TNFSF9: variants seen among roughly 807,000 people sequenced by gnomAD.
The protein encoded by TNFSF9 is TNF superfamily member 9, also known as tumor necrosis factor ligand superfamily member 9.
A neutral mutation model predicts 10.3 loss-of-function variants in TNFSF9; 10 were observed. The ratio of observed to expected loss-of-function variants is 0.97; its 90% CI spans 0.60 to 1.65. The LOEUF (loss-of-function observed/expected upper bound fraction) is 1.65, where lower values mean the gene tolerates loss of function less well. Among genes scored for constraint, TNFSF9 ranks in the 40% most tolerant of loss-of-function variants. The pLI is 0.00. For missense variants in TNFSF9, 361 were observed against 348.9 expected (o/e 1.03, Z -0.28); for synonymous variants, 195 against 176.1 (o/e 1.11, Z -0.85).
Position 6,532,534 on chromosome 19 carries a change from T to C in TNFSF9, c.268-252T>C, listed in dbSNP as rs1915171682. 2.0e-5 allele frequency among the ~76,000 whole-genome samples: 3 copies of C among 151,578 alleles called. No individual in the cohort carries two copies. The South Asian group carries it at 6.2e-4, about 32-fold the overall frequency. On this transcript the variant is annotated intron_variant, in intron 1 of 2. Coordinates refer to ENST00000245817, the MANE Select transcript of TNFSF9 (RefSeq NM_003811.4). ...GTGTTTGTGTTTGCGTTCGTGTGTG[T>C]GTTCGTGTTTGTTCGTGTGTCTGTG...
chr19:6,532,656 G>A lies in TNFSF9; in HGVS notation c.268-130G>A, dbSNP rs549991254. 1.4e-4 allele frequency: 173 copies of A among 1,218,022 alleles called. No homozygotes were observed. The African/African-American group carries it at 2.2e-3, about 16-fold the overall frequency. 75.5% of individuals were successfully genotyped at this position (1,218,022 alleles called of 1,614,324 possible). A position where few individuals can be genotyped will look rare whatever the true frequency, so the allele number is the denominator to read the frequency against. ...GTGTGCGGTCTCTGTTCTTTAGTTG[G>A]GAGGGAAGGGAAGCGTAGGCTTCAG... On this transcript the variant is annotated intron_variant, in intron 1 of 2. Transcript: ENST00000245817.
Position 6,535,458 on chromosome 19 carries a change from C to G in TNFSF9, c.*392C>G, listed in dbSNP as rs1442058555. On this transcript the variant is annotated 3_prime_UTR_variant, in exon 3 of 3. Transcript: ENST00000245817. ...GCCTCCCAAGCAACTGGGATTCATC[C>G]TTTCTATTAATTCATTGTACTTATT... 1 of 151,430 alleles carries G rather than the reference C, an allele frequency of 6.6e-6. No homozygotes were observed. The highest frequency in any genetic ancestry group is 1.5e-5 in the Non-Finnish European group (1 of 67,950). 9.4% of individuals were successfully genotyped at this position (151,430 alleles called of 1,614,324 possible).
Position 6,535,005 on chromosome 19 carries a change from T to G in TNFSF9, c.704T>G (p.Leu235Trp), listed in dbSNP as rs765845740. Residue 235 changes from leucine to tryptophan, a missense_variant, in exon 3 of 3, where the codon TTG becomes TGG. Physicochemically the swap from Leu to Trp is moderately conservative, Grantham distance 61. Transcript: ENST00000245817. ...CAGCTTACCCAGGGCGCCACAGTCT[T>G]GGGACTCTTCCGGGTGACCCCCGAA... Reference protein sequence around the residue: ...AWQLTQGATVLGLFRVTPEIP... With the variant: ...AWQLTQGATVWGLFRVTPEIP... 6.2e-7 allele frequency: 1 copy of G among 1,603,922 alleles called. No homozygotes were observed. The highest frequency in any genetic ancestry group is 1.7e-5 in the Admixed American group (1 of 58,980).
intron 2 of TNFSF9, among the ~76,000 whole-genome samples, chr19:6,533,300 C>T (rs1915188210): frequency 7.1e-6 from 1 of 139,944 alleles, no homozygotes; most frequent in African/African-American, 2.7e-5. Context: ...GACCCTCCTC[C>T]CTGCCCCTTC....
Position 6,531,066 on chromosome 19 carries a change from C to A in TNFSF9, c.30C>A (p.Asp10Glu). Residue 10 changes from aspartate to glutamate, a missense_variant, in exon 1 of 3, where the codon GAC becomes GAA. Transcript: ENST00000245817. Reference protein sequence around the residue: MEYASDASLDPEAPWPPAPR... With the variant: MEYASDASLEPEAPWPPAPR... ...AATACGCCTCTGACGCTTCACTGGACCCCGAAGCCCCGTGGCCTCCCGCGC... is the reference window on the plus strand; with the variant it reads ...AATACGCCTCTGACGCTTCACTGGAACCCGAAGCCCCGTGGCCTCCCGCGC... The A allele has an allele frequency of 6.2e-7, 1 of 1,611,220 alleles. No homozygotes were observed. Among genetic ancestry groups the A allele is most frequent in the South Asian group, 1.1e-5 (1 of 91,040 alleles).
At chr19:6,533,182 C>G (rs989873678) in intron 2 of TNFSF9, among the ~76,000 whole-genome samples, 1 of 150,380 alleles carries the variant, frequency 6.6e-6, no homozygotes, top group African/African-American at 2.5e-5. Context: ...CCCTTCCCCA[C>G]TCTCCCAGCC....
In TNFSF9 at chr19:6,535,365, G is replaced by A. The variant is rs919389183; in HGVS notation, c.*299G>A. On this transcript the variant is annotated 3_prime_UTR_variant, in exon 3 of 3. Coordinates refer to ENST00000245817, the MANE Select transcript of TNFSF9 (RefSeq NM_003811.4). ...CTTTTTTAGAGGAGTTGTTTTGGGG[G>A]GGGGGGGGTCTTCGACATTGCCGAG... 1 of 136,690 alleles carries A rather than the reference G, an allele frequency of 7.3e-6. No homozygotes were observed. Among genetic ancestry groups the A allele is most frequent in the African/African-American group, 2.7e-5 (1 of 36,448 alleles). 8.5% of individuals were successfully genotyped at this position (136,690 alleles called of 1,614,324 possible). A position where few individuals can be genotyped will look rare whatever the true frequency, so the allele number is the denominator to read the frequency against.
In TNFSF9 at chr19:6,531,289, T is replaced by C. The variant is rs774041396; in HGVS notation, c.253T>C (p.Leu85=). 13 of 1,500,440 alleles carry C rather than the reference T, an allele frequency of 8.7e-6. No homozygotes were observed. The highest frequency in any genetic ancestry group is 1.1e-5 in the Non-Finnish European group (13 of 1,132,756). The allele number at this position is 1,500,440 out of a possible 1,614,324, so 92.9% of individuals were successfully genotyped here. Reference sequence around the variant, plus strand: ...TTCGCCCGACGATCCCGCCGGCCTCTTGGACCTGCGGCAGGTGAGACGTGC... The same window carrying C: ...TTCGCCCGACGATCCCGCCGGCCTCCTGGACCTGCGGCAGGTGAGACGTGC... ...ELSPDDPAGL[L]DLRQGMFAQL... Residue 85 remains leucine (L), a synonymous_variant, in exon 1 of 3, where the codon TTG becomes CTG. Coordinates refer to ENST00000245817, the MANE Select transcript of TNFSF9 (RefSeq NM_003811.4).
rs61760044 is a variant in TNFSF9, at chr19:6,534,792, C to T, written c.491C>T (p.Ala164Val). The change falls in exon 3 of 3, where the codon GCG becomes GTG. Residue 164 changes from alanine (A) to valine (V), a missense_variant. Coordinates refer to ENST00000245817, the MANE Select transcript of TNFSF9 (RefSeq NM_003811.4). ...AGEGSGSVSL[A>V]LHLQPLRSAA... Reference sequence around the variant, plus strand: ...GAGGGCTCAGGCTCCGTTTCACTTGCGCTGCACCTGCAGCCACTGCGCTCT... The same window carrying T: ...GAGGGCTCAGGCTCCGTTTCACTTGTGCTGCACCTGCAGCCACTGCGCTCT... The T allele has an allele frequency of 2.1e-5, 34 of 1,599,796 alleles. No individual in the cohort carries two copies. The East Asian group carries it at 3.8e-4, about 18-fold the overall frequency.
chr19:6,531,206 G>C lies in TNFSF9; in HGVS notation c.170G>C (p.Gly57Ala), dbSNP rs1370796364. Reference protein sequence around the residue: ...VFLACPWAVSGARASPGSAAS... With the variant: ...VFLACPWAVSAARASPGSAAS... The stretch of plus-strand genomic sequence containing the variant: ...CTCGCCTGCCCCTGGGCCGTGTCCG[G>C]GGCTCGCGCCTCGCCCGGCTCCGCG... Residue 57 changes from glycine to alanine, a missense_variant, in exon 1 of 3, where the codon GGG becomes GCG. Gly to Ala is a moderately conservative substitution (Grantham distance 60). Transcript: ENST00000245817. 1 of 1,546,148 alleles carries C rather than the reference G, an allele frequency of 6.5e-7. No homozygotes were observed. Among genetic ancestry groups the C allele is most frequent in the Non-Finnish European group, 8.7e-7 (1 of 1,149,598 alleles).
rs890612746 is a variant in TNFSF9, at chr19:6,535,367, G to C, written c.*301G>C. 6.9e-6 allele frequency: 1 copy of C among 144,698 alleles called. No individual in the cohort carries two copies. Among genetic ancestry groups the C allele is most frequent in the African/African-American group, 2.5e-5 (1 of 39,904 alleles). The allele number at this position is 144,698 out of a possible 1,614,324, so 9.0% of individuals were successfully genotyped here. A position where few individuals can be genotyped will look rare whatever the true frequency, so the allele number is the denominator to read the frequency against. ...TTTTTAGAGGAGTTGTTTTGGGGGG[G>C]GGGGGGTCTTCGACATTGCCGAGGC... On this transcript the variant is annotated 3_prime_UTR_variant, in exon 3 of 3. Transcript: ENST00000245817.
In TNFSF9 at chr19:6,533,390, CTT is replaced by C. The variant is rs1269955282; in HGVS notation, c.298+575_298+576del. 2.2e-5 allele frequency among the ~76,000 whole-genome samples: 3 copies of C among 134,868 alleles called. 1 individual carries two copies. Among genetic ancestry groups the C allele is most frequent in the African/African-American group, 8.5e-5 (3 of 35,376 alleles). 88.5% of individuals were successfully genotyped at this position (134,868 alleles called of 152,430 possible). ...ACCTTCCCTCCCCGTCCAGAGACTT[CTT>C]CCCCGCTCGAGACCTCTTCCCCCTT... On this transcript the variant is annotated intron_variant, in intron 2 of 2. Coordinates refer to ENST00000245817, the MANE Select transcript of TNFSF9 (RefSeq NM_003811.4).
Position 6,531,219 on chromosome 19 carries a change from G to T in TNFSF9, c.183G>T (p.Ser61=), listed in dbSNP as rs1915138532. 6.5e-7 allele frequency: 1 copy of T among 1,532,312 alleles called. No homozygotes were observed. The highest frequency in any genetic ancestry group is 2.1e-5 in the Admixed American group (1 of 48,198). 94.9% of individuals were successfully genotyped at this position (1,532,312 alleles called of 1,614,324 possible). ...GGGCCGTGTCCGGGGCTCGCGCCTCGCCCGGCTCCGCGGCCAGCCCGAGAC... is the reference window on the plus strand; with the variant it reads ...GGGCCGTGTCCGGGGCTCGCGCCTCTCCCGGCTCCGCGGCCAGCCCGAGAC... ...CPWAVSGARA[S]PGSAASPRLR... is the part of the protein sequence containing the mutation. The change falls in exon 1 of 3, where the codon TCG becomes TCT. Residue 61 remains serine, a synonymous_variant. Coordinates refer to ENST00000245817, the MANE Select transcript of TNFSF9 (RefSeq NM_003811.4).
chr19:6,532,312 G>GTTC (rs1915164253), intron 1 of TNFSF9, among the ~76,000 whole-genome samples: 1 of 127,406 alleles, frequency 7.8e-6, no homozygotes, highest in African/African-American at 3.7e-5. Context: ...TGTTTGTGTG[G>GTTC]GTGTTTGTGT....
intron 2 of TNFSF9, among the ~76,000 whole-genome samples, chr19:6,533,376 C>A (rs1320051708): frequency 1.4e-5 from 2 of 139,354 alleles, no homozygotes; most frequent in Admixed American, 7.2e-5. Flanking sequence ...CCTTCCCTCC[C>A]CGTCCAGAGA....
Position 6,535,016 on chromosome 19 carries a change from C to G in TNFSF9, c.715C>G (p.Arg239Gly). 2 of 1,590,580 alleles carry G rather than the reference C, an allele frequency of 1.3e-6. No homozygotes were observed. Among genetic ancestry groups the G allele is most frequent in the Non-Finnish European group, 1.7e-6 (2 of 1,167,324 alleles). ...TQGATVLGLF[R>G]VTPEIPAGLP... is the part of the protein sequence containing the mutation. ...GGGCGCCACAGTCTTGGGACTCTTC[C>G]GGGTGACCCCCGAAATCCCAGCCGG... Residue 239 changes from arginine to glycine, a missense_variant, in exon 3 of 3, where the codon CGG (arginine) becomes GGG (glycine). Transcript: ENST00000245817.
rs753467032 is a variant in TNFSF9, at chr19:6,531,035, T to A, written c.-2T>A. On this transcript the variant is annotated 5_prime_UTR_variant, in exon 1 of 3. Transcript: ENST00000245817. Reference sequence around the variant, plus strand: ...CGCTGTGTCTTCCCGCAGTCTCTCGTCATGGAATACGCCTCTGACGCTTCA... The same window carrying A: ...CGCTGTGTCTTCCCGCAGTCTCTCGACATGGAATACGCCTCTGACGCTTCA... The A allele has an allele frequency of 1.1e-4, 170 of 1,608,570 alleles. No homozygotes were observed. In the South Asian group the frequency reaches 1.2e-3, roughly 12 times the overall value.
intron 2 of TNFSF9, among the ~76,000 whole-genome samples, chr19:6,534,048 C>T (rs1915210086): frequency 9.9e-6 from 1 of 100,616 alleles, no homozygotes; most frequent in Admixed American, 1.1e-4. Flanking sequence ...TCCACCTCTC[C>T]TCTCCCCTTT....
In TNFSF9 at chr19:6,534,666, G is replaced by T; in HGVS notation, c.365G>T (p.Gly122Val). The T allele has an allele frequency of 6.3e-7, 1 of 1,591,048 alleles. No homozygotes were observed. The highest frequency in any genetic ancestry group is 8.6e-7 in the Non-Finnish European group (1 of 1,169,464). ...DPGLAGVSLT[G>V]GLSYKEDTKE... ...GGCCTGGCAGGCGTGTCCCTGACGG[G>T]GGGCCTGAGCTACAAAGAGGACACG... The change falls in exon 3 of 3, where the codon GGG (glycine) becomes GTG (valine). Residue 122 changes from glycine to valine, a missense_variant. Gly to Val is a moderately radical substitution (Grantham distance 109, BLOSUM62 -3). Transcript: ENST00000245817.
Sources: allele counts gnomAD v4.1 joint callset (sites outside exome capture counted in the v4.1 genomes callset), GRCh38; gene constraint gnomAD v4.1.1; transcripts MANE v1.5; gene names NCBI Gene and HGNC (gene_info 2026-07-23, HGNC 2026-07-21).